Variants in SPAG17 observed in about 807,000 individuals in gnomAD.
The protein encoded by SPAG17 is sperm associated antigen 17, also known as sperm-associated antigen 17.
In SPAG17, 169 loss-of-function variants were observed where a neutral mutation model predicts 273.6. The ratio of observed to expected loss-of-function variants is 0.62; its 90% confidence interval spans 0.55 to 0.70. The LOEUF is 0.70. Among genes scored for constraint, SPAG17 ranks in the 30% least tolerant of loss-of-function variants. SPAG17 has a pLI of 0.00. For missense variants in SPAG17, 2,557 were observed against 2,627.8 expected, an observed-to-expected ratio of 0.97 and a Z score of 0.59; for synonymous variants, 825 against 873.2, an observed-to-expected ratio of 0.94 and a Z score of 0.97.
intron 1 of SPAG17, among the ~76,000 whole-genome samples, chr1:118,168,427 T>C (rs2102387326): frequency 6.6e-6 from 1 of 152,310 alleles, no homozygotes; most frequent in Admixed American, 6.5e-5. Context: ...GATTTGGAGA[T>C]ATTGAATTTA....
chr1:117,987,540 G>T (rs1656557677), intron 40 of SPAG17, among the ~76,000 whole-genome samples: 1 of 152,212 alleles, frequency 6.6e-6, no homozygotes, highest in South Asian at 2.1e-4. Flanking sequence ...TTATGACTGT[G>T]TTCTGCATTA....
intron 22 of SPAG17, 83 bp from the exon 23 acceptor site, chr1:118,039,527 A>G (rs1649493132): frequency 7.3e-7 from 1 of 1,368,556 alleles, no homozygotes; most frequent in Non-Finnish European, 1.0e-6. Flanking sequence ...ACAATGCTGC[A>G]CAGAAACAAA....
chr1:118,025,526 G>A, intron 26 of SPAG17, 110 bp from the exon 27 acceptor site: 2 of 902,300 alleles, frequency 2.2e-6, no homozygotes, highest in Non-Finnish European at 3.2e-6. Context: ...TTTAAAAATA[G>A]AGACAAAGTC....
chr1:118,086,628 T>C (rs1655014944), intron 12 of SPAG17, 43 bp downstream of exon 12: 1 of 1,537,218 alleles, frequency 6.5e-7, no homozygotes, highest in Non-Finnish European at 9.0e-7. Context: ...ATAAACACAC[T>C]TTCCCACATC....
intron 1 of SPAG17, among the ~76,000 whole-genome samples, chr1:118,164,856 A>G (rs1484439836): frequency 6.6e-6 from 1 of 152,234 alleles, no homozygotes; most frequent in Admixed American, 6.5e-5. Flanking sequence ...AAATGGGAAT[A>G]CTACTTTTTT....
At chr1:118,145,027 T>A (rs1658893830) in intron 3 of SPAG17, among the ~76,000 whole-genome samples, 1 of 152,202 alleles carries the variant, frequency 6.6e-6, no homozygotes, top group Admixed American at 6.5e-5. Context: ...ATTTTTTTGT[T>A]TTGTTTTAAA....
intron 46 of SPAG17, among the ~76,000 whole-genome samples, chr1:117,969,164 A>ATT (rs138365001): frequency 0.026 from 3,988 of 151,724 alleles, 114 homozygotes; most frequent in South Asian, 0.13. Flanking sequence ...ATTAATATGC[A>ATT]TTTTTTTTTA....
At chr1:118,126,440 C>A (rs1463828494) in intron 3 of SPAG17, among the ~76,000 whole-genome samples, 1 of 151,676 alleles carries the variant, frequency 6.6e-6, no homozygotes, top group Non-Finnish European at 1.5e-5. Context: ...GTCTCGATAT[C>A]CTGACCTTGT....
intron 42 of SPAG17, among the ~76,000 whole-genome samples, chr1:117,982,208 G>GT (rs1385779137): frequency 4.0e-5 from 6 of 150,676 alleles, no homozygotes. Context: ...TTCAAGTATC[G>GT]TATGGTACAG....
chr1:118,122,650 A>G (rs1166192868), intron 3 of SPAG17, among the ~76,000 whole-genome samples: 2 of 152,242 alleles, frequency 1.3e-5, no homozygotes, highest in Non-Finnish European at 2.9e-5. Flanking sequence ...CCTTGGGGGC[A>G]AAGTTGTCCC....
chr1:118,039,359 C>G lies in SPAG17; in HGVS notation c.3252G>C (p.Lys1084Asn). 2.5e-6 allele frequency: 4 copies of G among 1,613,432 alleles called. No individual in the cohort carries two copies. Among genetic ancestry groups the G allele is most frequent in the Non-Finnish European group, 3.4e-6 (4 of 1,179,644 alleles). ...HLNDPKEIVK[K>N]EEKGDYYLEE... ...CTAAATAATAATCCCCTTTCTCTTC[C>G]TTTTTCACAATTTCCTTAGGGTCAT... Residue 1084 changes from lysine to asparagine, a missense_variant, in exon 23 of 49, where the codon AAG (lysine) becomes AAC (asparagine). Physicochemically the swap from Lys to Asn is moderately conservative, Grantham distance 94 (BLOSUM62 0). Coordinates refer to ENST00000336338, the MANE Select transcript of SPAG17 (RefSeq NM_206996.4).
chr1:118,064,862 T>G (rs1001539251), intron 18 of SPAG17, among the ~76,000 whole-genome samples: 4 of 151,750 alleles, frequency 2.6e-5, no homozygotes, highest in African/African-American at 9.7e-5. Context: ...TAAATGCTAA[T>G]AAGGAAAAAG....
intron 32 of SPAG17, among the ~76,000 whole-genome samples, chr1:117,999,755 T>G (rs1658064959): frequency 6.6e-6 from 1 of 152,244 alleles, no homozygotes. Context: ...TGCAAAAATT[T>G]TCTCCCATTC....
chr1:118,120,619 G>C (rs377484477), intron 3 of SPAG17, among the ~76,000 whole-genome samples: 83 of 152,230 alleles, frequency 5.5e-4, no homozygotes, highest in African/African-American at 1.9e-3. Context: ...AAAATCTATG[G>C]CTTCCAAGCT....
intron 17 of SPAG17, among the ~76,000 whole-genome samples, chr1:118,069,673 T>C (rs1302660778): frequency 6.6e-6 from 1 of 152,130 alleles, no homozygotes; most frequent in South Asian, 2.1e-4. Context: ...TTAAAAGATA[T>C]GGGCATCAGC....
chr1:118,139,072 ACAACT>A (rs1227865904), intron 3 of SPAG17, among the ~76,000 whole-genome samples: 3 of 152,150 alleles, frequency 2.0e-5, no homozygotes, highest in Admixed American at 6.5e-5. Context: ...AAAGGCCCAG[ACAACT>A]CAATAACAAG....
intron 29 of SPAG17, among the ~76,000 whole-genome samples, chr1:118,015,560 A>T (rs1659874839): frequency 6.6e-6 from 1 of 152,142 alleles, no homozygotes; most frequent in South Asian, 2.1e-4. Flanking sequence ...GTAATGAGAC[A>T]CTCACTTCCA....
intron 13 of SPAG17, 98 bp from the exon 14 acceptor site, chr1:118,081,740 A>T: frequency 1.0e-6 from 1 of 990,858 alleles, no homozygotes; most frequent in Non-Finnish European, 1.5e-6. Context: ...TACCAGAAAG[A>T]CAAGAGAGTC....
At chr1:118,175,591 A>T (rs1660659102) in intron 1 of SPAG17, among the ~76,000 whole-genome samples, 2 of 151,866 alleles carry the variant, frequency 1.3e-5, no homozygotes, top group African/African-American at 4.8e-5. Context: ...AAAAAAAAAA[A>T]ACTGCCATCA....
Sources: gnomAD v4.1 joint callset for allele counts (sites outside exome capture counted in the v4.1 genomes callset) on GRCh38, gnomAD v4.1.1 for gene constraint, MANE v1.5 for transcripts, NCBI Gene and HGNC (gene_info 2026-07-23, HGNC 2026-07-21) for gene names.